Variants in CNBD1 observed in about 807,000 individuals in gnomAD.
The protein encoded by CNBD1 is cyclic nucleotide-binding domain-containing protein 1.
A neutral mutation model predicts 54.4 loss-of-function variants in CNBD1; 71 were observed. That is an observed-to-expected ratio of 1.30 (90% CI 1.08 to 1.59). CNBD1 has a LOEUF of 1.59. Ranked by LOEUF, CNBD1 falls within the 40% of genes most tolerant of loss-of-function variation. The probability of loss-of-function intolerance (pLI) is 0.00; values close to 1 mark genes in which losing one functional copy is unlikely to be tolerated. For synonymous variants in CNBD1, 182 were observed against 170.7 expected, an observed-to-expected ratio of 1.07 and a Z score of -0.51; for missense variants, 659 against 518.0, an observed-to-expected ratio of 1.27 and a Z score of -2.64.
chr8:87,005,086 T>C (rs1033794604), intron 4 of CNBD1, among the ~76,000 whole-genome samples: 20 of 151,818 alleles, frequency 1.3e-4, no homozygotes, highest in African/African-American at 4.8e-4. Flanking sequence ...TCTTAAATAT[T>C]GAAAAAGAAA....
chr8:86,961,389 A>G (rs1807925378), intron 4 of CNBD1, among the ~76,000 whole-genome samples: 1 of 152,242 alleles, frequency 6.6e-6, no homozygotes, highest in Non-Finnish European at 1.5e-5. Flanking sequence ...TCACAAGTTA[A>G]AACAGGCCCC....
chr8:87,230,838 C>T (rs898244444), intron 5 of CNBD1, among the ~76,000 whole-genome samples: 2 of 152,166 alleles, frequency 1.3e-5, no homozygotes, highest in African/African-American at 4.8e-5. Context: ...AATCAACCCA[C>T]TTGTCATTAA....
chr8:87,234,122 T>C (rs1807523183), intron 5 of CNBD1, among the ~76,000 whole-genome samples: 1 of 152,184 alleles, frequency 6.6e-6, no homozygotes. Flanking sequence ...AAGCTCTACT[T>C]TTAATTCTAG....
chr8:87,425,132 A>G (rs4513994), intron 2 of CNBD1, among the ~76,000 whole-genome samples: 42,935 of 151,800 alleles, frequency 0.28, 6,758 homozygotes, highest in Middle Eastern at 0.41. Context: ...AGGCTTCTGC[A>G]TTCTTCACGT....
chr8:86,866,999 C>T (rs1808374364), intron 1 of CNBD1, among the ~76,000 whole-genome samples: 1 of 152,104 alleles, frequency 6.6e-6, no homozygotes, highest in Non-Finnish European at 1.5e-5. Context: ...TAGGAGAATT[C>T]TCATTTCAAT....
At chr8:87,139,214 A>T (rs1013787623) in intron 4 of CNBD1, among the ~76,000 whole-genome samples, 1 of 152,248 alleles carries the variant, frequency 6.6e-6, no homozygotes, top group African/African-American at 2.4e-5. Context: ...AAGGAAGGTG[A>T]TAGCAGAAAT....
chr8:87,326,238 T>C (rs1326553220), intron 8 of CNBD1, among the ~76,000 whole-genome samples: 1 of 122,898 alleles, frequency 8.1e-6, no homozygotes, highest in African/African-American at 3.0e-5. Context: ...CCCTTAACAT[T>C]TTTTCCTTCA....
rs190818952 is a variant in CNBD1, at chr8:87,136,956, C to T, written c.432-69037C>T. Among the ~76,000 whole-genome samples, 2 of 51,946 alleles carry T rather than the reference C, an allele frequency of 3.9e-5. 1 individual carries two copies. Among genetic ancestry groups the T allele is most frequent in the Non-Finnish European group, 6.2e-5 (2 of 32,162 alleles). 34.1% of individuals were successfully genotyped at this position (51,946 alleles called of 152,430 possible). ...GTAAATTATATATTATATTTATATT[C>T]TATGTAAATTATATATATTTATATT... is the stretch of plus-strand genomic sequence containing the variant. On this transcript the variant is annotated intron_variant, in intron 4 of 10. Transcript: ENST00000518476.
At chr8:87,383,128 C>T (rs1468538709), downstream of CNBD1, among the ~76,000 whole-genome samples, 3 of 151,814 alleles carry the variant, frequency 2.0e-5, no homozygotes, top group Non-Finnish European at 2.9e-5. Context: ...ACTTCAAAGA[C>T]CTTGTGCTTT....
At chr8:86,899,839 C>G (rs1372050406) in intron 2 of CNBD1, among the ~76,000 whole-genome samples, 1 of 152,158 alleles carries the variant, frequency 6.6e-6, no homozygotes, top group Non-Finnish European at 1.5e-5. Flanking sequence ...AGCTAAGCTA[C>G]TCCATTCTCC....
At chr8:87,235,117 A>T (rs1318784026) in intron 5 of CNBD1, among the ~76,000 whole-genome samples, 4 of 152,190 alleles carry the variant, frequency 2.6e-5, no homozygotes, top group African/African-American at 9.6e-5. Flanking sequence ...ACTTTCATGA[A>T]ATTGAACAGA....
chr8:86,920,901 T>C (rs1010233966), intron 3 of CNBD1, among the ~76,000 whole-genome samples: 17 of 152,032 alleles, frequency 1.1e-4, no homozygotes, highest in African/African-American at 2.7e-4. Context: ...CCCAAACACA[T>C]TTTAAGACAA....
Position 87,377,363 on chromosome 8 carries a change from T to C in CNBD1, c.1304-5257T>C, listed in dbSNP as rs1394068378. Among the ~76,000 whole-genome samples the C allele has an allele frequency of 2.7e-5, 4 of 148,310 alleles. No individual in the cohort carries two copies. The East Asian group carries it at 8.1e-4, about 30-fold the overall frequency. On this transcript the variant is annotated intron_variant, in intron 10 of 10. Transcript: ENST00000518476. The stretch of plus-strand genomic sequence containing the variant: ...TTCCCCTTCCTGTGTCCATGTGTTC[T>C]CCTTGTTCAATTCCCACCTATGAGT...
intron 4 of CNBD1, among the ~76,000 whole-genome samples, chr8:87,194,003 C>T (rs574778227): frequency 4.9e-4 from 74 of 152,260 alleles, no homozygotes; most frequent in African/African-American, 1.8e-3. Flanking sequence ...GAGGTGAATA[C>T]CAGCAAGGGA....
chr8:86,935,891 C>T (rs1809538413), intron 3 of CNBD1, among the ~76,000 whole-genome samples: 2 of 151,930 alleles, frequency 1.3e-5, no homozygotes, highest in Admixed American at 6.6e-5. Flanking sequence ...TGCCTGTAAT[C>T]CTAGCACTTT....
chr8:87,053,887 T>C (rs1810361249), intron 4 of CNBD1, among the ~76,000 whole-genome samples: 1 of 152,250 alleles, frequency 6.6e-6, no homozygotes, highest in South Asian at 2.1e-4. Flanking sequence ...ATGGGTCCGA[T>C]TGGCTTCCAA....
chr8:86,935,628 C>A (rs1444302791), intron 3 of CNBD1, among the ~76,000 whole-genome samples: 1 of 151,904 alleles, frequency 6.6e-6, no homozygotes, highest in Non-Finnish European at 1.5e-5. Flanking sequence ...TCTGCCTTTT[C>A]TGTTTTTGTT....
intron 6 of CNBD1, among the ~76,000 whole-genome samples, chr8:87,267,416 T>C (rs1808281967): frequency 6.6e-6 from 1 of 152,164 alleles, no homozygotes; most frequent in East Asian, 1.9e-4. Flanking sequence ...AAATAAACAT[T>C]GGAGGTGTTC....
At chr8:87,027,270 T>A (rs953248683) in intron 4 of CNBD1, among the ~76,000 whole-genome samples, 1 of 151,984 alleles carries the variant, frequency 6.6e-6, no homozygotes, top group Non-Finnish European at 1.5e-5. Flanking sequence ...TTATTTTTAT[T>A]TTTATTTATT....
Sources: gnomAD v4.1 joint callset for allele counts (sites outside exome capture counted in the v4.1 genomes callset) on GRCh38, gnomAD v4.1.1 for gene constraint, MANE v1.5 for transcripts, NCBI Gene and HGNC (gene_info 2026-07-23, HGNC 2026-07-21) for gene names.